Variants in CNTNAP2 observed in about 807,000 individuals in gnomAD.
CNTNAP2 encodes contactin associated protein 2.
In CNTNAP2, 98 loss-of-function variants were observed where a neutral mutation model predicts 155.2. The observed-to-expected ratio is 0.63, with a 90% CI of 0.54 to 0.75. CNTNAP2 has a LOEUF of 0.75. Among genes scored for constraint, CNTNAP2 ranks in the 30% least tolerant of loss-of-function variants. The pLI is 0.00. For synonymous variants in CNTNAP2, 651 were observed against 631.2 expected, an observed-to-expected ratio of 1.03 and a Z score of -0.47; for missense variants, 1,727 against 1,688.1, an observed-to-expected ratio of 1.02 and a Z score of -0.40.
At chr7:146,833,610 C>G (rs990044923) in intron 2 of CNTNAP2, among the ~76,000 whole-genome samples, 80 of 152,162 alleles carry the variant, frequency 5.3e-4, no homozygotes, top group African/African-American at 1.9e-3. Context: ...GGCATACAGC[C>G]TCATATAATC....
chr7:147,954,205 C>T (rs955633467), intron 14 of CNTNAP2, among the ~76,000 whole-genome samples: 1 of 152,080 alleles, frequency 6.6e-6, no homozygotes, highest in African/African-American at 2.4e-5. Flanking sequence ...TGCTTTGCAT[C>T]ATGCAACATA....
intron 12 of CNTNAP2, among the ~76,000 whole-genome samples, chr7:147,622,385 G>A (rs1794875773): frequency 6.6e-6 from 1 of 151,916 alleles, no homozygotes; most frequent in African/African-American, 2.4e-5. Context: ...CATATGTTAG[G>A]TCACAAAACA....
chr7:148,116,150 AAAG>A (rs1804465779), intron 15 of CNTNAP2, among the ~76,000 whole-genome samples: 1 of 152,104 alleles, frequency 6.6e-6, no homozygotes, highest in Non-Finnish European at 1.5e-5. Context: ...AAAAAAAAAA[AAAG>A]AAGAAGCTTA....
intron 14 of CNTNAP2, among the ~76,000 whole-genome samples, chr7:147,975,508 C>G (rs1323368705): frequency 2.0e-5 from 3 of 151,866 alleles, no homozygotes; most frequent in Non-Finnish European, 4.4e-5. Context: ...ATAAAATTAC[C>G]CATACTATCT....
At chr7:147,764,508 A>G (rs575354966) in intron 13 of CNTNAP2, among the ~76,000 whole-genome samples, 17 of 152,162 alleles carry the variant, frequency 1.1e-4, no homozygotes, top group Non-Finnish European at 2.1e-4. Flanking sequence ...GCTCCCTCCT[A>G]TTTCCTAGTG....
intron 22 of CNTNAP2, among the ~76,000 whole-genome samples, chr7:148,397,738 T>C (rs1020987738): frequency 6.6e-6 from 1 of 152,250 alleles, no homozygotes; most frequent in Non-Finnish European, 1.5e-5. Flanking sequence ...TTTATCACGC[T>C]ATCTTTATAA....
chr7:147,008,758 G>A (rs1162800120), intron 3 of CNTNAP2, among the ~76,000 whole-genome samples: 1 of 152,112 alleles, frequency 6.6e-6, no homozygotes, highest in East Asian at 1.9e-4. Flanking sequence ...TATGTAGGGA[G>A]ACTAATGGTA....
chr7:148,285,376 TGG>T (rs1356422636), intron 21 of CNTNAP2, among the ~76,000 whole-genome samples: 1 of 152,278 alleles, frequency 6.6e-6, no homozygotes, highest in Non-Finnish European at 1.5e-5. Flanking sequence ...CTTTATTGAC[TGG>T]GAGGAATTAG....
chr7:147,457,193 C>T (rs970535696), intron 10 of CNTNAP2, among the ~76,000 whole-genome samples: 1 of 151,860 alleles, frequency 6.6e-6, no homozygotes, highest in Non-Finnish European at 1.5e-5. Context: ...AGGGCGAGAA[C>T]AAAGAAAAAG....
At chr7:146,788,636 G>A (rs981724735) in intron 2 of CNTNAP2, among the ~76,000 whole-genome samples, 2 of 151,996 alleles carry the variant, frequency 1.3e-5, no homozygotes, top group Admixed American at 6.6e-5. Flanking sequence ...CATTCAAATA[G>A]TATTAAAGTA....
At chr7:146,373,844 A>G (rs1795270546) in intron 1 of CNTNAP2, among the ~76,000 whole-genome samples, 1 of 152,194 alleles carries the variant, frequency 6.6e-6, no homozygotes, top group Non-Finnish European at 1.5e-5. Flanking sequence ...TTGTATCAGA[A>G]ACACCATTCT....
intron 16 of CNTNAP2, among the ~76,000 whole-genome samples, chr7:148,120,129 T>C (rs1221875416): frequency 2.0e-5 from 3 of 150,320 alleles, no homozygotes; most frequent in Admixed American, 6.7e-5. Context: ...ATAAAAGTGC[T>C]TGGATTCCCC....
intron 20 of CNTNAP2, among the ~76,000 whole-genome samples, chr7:148,249,119 T>C (rs1331690526): frequency 6.6e-6 from 1 of 152,248 alleles, no homozygotes; most frequent in Admixed American, 6.5e-5. Context: ...ACAACTCCTT[T>C]GCCAGATGCA....
At chr7:147,321,091 T>C (rs1262995940) in intron 9 of CNTNAP2, among the ~76,000 whole-genome samples, 1 of 152,240 alleles carries the variant, frequency 6.6e-6, no homozygotes, top group Non-Finnish European at 1.5e-5. Context: ...TTGACTATTC[T>C]TTTTCATACT....
chr7:147,381,390 T>C lies in CNTNAP2; in HGVS notation c.1499-14219T>C, dbSNP rs1018854200. ...GTAATTAAGCAAATGTTTACACTTA[T>C]AAGAAAAAATCAGTAAGACAATATT... On this transcript the variant is annotated intron_variant, in intron 9 of 23. Transcript: ENST00000361727. Among the ~76,000 whole-genome samples the C allele has an allele frequency of 3.9e-5, 6 of 152,148 alleles. 1 individual carries two copies. Among genetic ancestry groups the C allele is most frequent in the Admixed American group, 3.3e-4 (5 of 15,254 alleles).
At chr7:147,720,571 C>T (rs1368985673) in intron 13 of CNTNAP2, among the ~76,000 whole-genome samples, 3 of 152,074 alleles carry the variant, frequency 2.0e-5, no homozygotes, top group African/African-American at 7.2e-5. Context: ...GTAATCCCCA[C>T]GTGTGAAGGA....
chr7:148,365,797 T>C (rs570234098), intron 21 of CNTNAP2, among the ~76,000 whole-genome samples: 2 of 101,738 alleles, frequency 2.0e-5, no homozygotes, highest in African/African-American at 3.8e-5. Context: ...CATGTATACA[T>C]GCATGTGTAT....
intron 1 of CNTNAP2, among the ~76,000 whole-genome samples, chr7:146,620,146 T>C (rs1282017172): frequency 2.0e-5 from 3 of 152,148 alleles, no homozygotes; most frequent in Non-Finnish European, 2.9e-5. Context: ...CTGAAAATGA[T>C]CAAGAGTAAT....
intron 8 of CNTNAP2, among the ~76,000 whole-genome samples, chr7:147,236,032 T>C (rs1265707044): frequency 6.6e-6 from 1 of 152,210 alleles, no homozygotes; most frequent in African/African-American, 2.4e-5. Context: ...ACTGGAAAAA[T>C]CCTGGCTCCC....
Sources: gnomAD v4.1 joint callset for allele counts (sites outside exome capture counted in the v4.1 genomes callset) on GRCh38, gnomAD v4.1.1 for gene constraint, MANE v1.5 for transcripts, NCBI Gene and HGNC (gene_info 2026-07-23, HGNC 2026-07-21) for gene names.